KIF27: variants seen among roughly 807,000 people sequenced by gnomAD.
The protein encoded by KIF27 is kinesin family member 27, also known as kinesin-like protein KIF27.
KIF27 carries 84 observed loss-of-function variants against 141.8 expected under a neutral mutation model. That is an observed-to-expected ratio of 0.59 (90% CI 0.50 to 0.71). KIF27 has a LOEUF of 0.71. KIF27 is among the 30% of genes least tolerant of loss of function. The pLI, the probability that KIF27 is intolerant of heterozygous loss-of-function variation, is 0.00. For synonymous variants in KIF27, 471 were observed against 569.5 expected (o/e 0.83, Z 2.46); for missense variants, 1,306 against 1,628.4 (o/e 0.80, Z 3.41).
chr9:83,839,305 C>T (rs1179194037), intron 17 of KIF27, among the ~76,000 whole-genome samples: 2 of 152,202 alleles, frequency 1.3e-5, no homozygotes, highest in Non-Finnish European at 2.9e-5. Context: ...GAAAGTTTCC[C>T]TCTTCCAGAA....
At position 83,834,723 on chromosome 9, in the gene KIF27, T is replaced by G. The variant is rs1945612624; in HGVS notation, c.*2278A>C. ...TATTAGGATCTTCATTAATAAATATTTATTTATAAATATTGCTGTGCTTGC... is the reference window on the plus strand; with the variant it reads ...TATTAGGATCTTCATTAATAAATATGTATTTATAAATATTGCTGTGCTTGC... On this transcript the variant is annotated 3_prime_UTR_variant, in exon 18 of 18. Transcript: ENST00000297814. 6.6e-6 allele frequency among the ~76,000 whole-genome samples: 1 copy of G among 151,246 alleles called. No individual in the cohort carries two copies. The highest frequency in any genetic ancestry group is 1.9e-4 in the East Asian group (1 of 5,186).
chr9:83,839,165 T>TA (rs202002804), intron 17 of KIF27, among the ~76,000 whole-genome samples: 80 of 148,848 alleles, frequency 5.4e-4, no homozygotes, highest in East Asian at 2.2e-3. Context: ...ACCCCAACTC[T>TA]AAAAAAAAAA....
chr9:83,887,738 C>T (rs1039419506), intron 8 of KIF27, among the ~76,000 whole-genome samples: 16 of 151,804 alleles, frequency 1.1e-4, no homozygotes, highest in African/African-American at 3.6e-4. Flanking sequence ...TACATTCCGA[C>T]GTAAGTTTTT....
At chr9:83,889,539 G>A (rs1952464567) in intron 6 of KIF27, among the ~76,000 whole-genome samples, 1 of 151,746 alleles carries the variant, frequency 6.6e-6, no homozygotes, top group Non-Finnish European at 1.5e-5. Flanking sequence ...CCAAAAGAAC[G>A]CATGGAAAAC....
intron 10 of KIF27, among the ~76,000 whole-genome samples, chr9:83,882,921 T>C (rs1328494870): frequency 3.9e-5 from 6 of 152,128 alleles, no homozygotes; most frequent in Non-Finnish European, 8.8e-5. Flanking sequence ...TTAGTGGAAA[T>C]ATCCAGATGT....
At chr9:83,854,712 T>C (rs534766064) in intron 14 of KIF27, among the ~76,000 whole-genome samples, 1 of 152,306 alleles carries the variant, frequency 6.6e-6, no homozygotes, top group East Asian at 1.9e-4. Flanking sequence ...TTCCAGTTCT[T>C]TGAACTATCC....
In KIF27 at chr9:83,837,437, A is replaced by G; in HGVS notation, c.3770T>C (p.Leu1257Pro). Residue 1257 changes from leucine (L) to proline (P), a missense_variant, in exon 18 of 18, where the codon CTT becomes CCT. By Grantham distance (98) the Leu-to-Pro change is moderately conservative (BLOSUM62 -3). Coordinates refer to ENST00000297814, the MANE Select transcript of KIF27 (RefSeq NM_017576.4). ...GGATGCCCATTTTAATTCTTCTGAA[A>G]GCATGCCTCCTCCTTCTGGCTTCAG... ...GVLKPEGGGM[L>P]SEELKWASRP... 5 of 1,613,632 alleles carry G rather than the reference A, an allele frequency of 3.1e-6. No individual in the cohort carries two copies. Among genetic ancestry groups the G allele is most frequent in the Non-Finnish European group, 4.2e-6 (5 of 1,179,840 alleles).
intron 4 of KIF27, among the ~76,000 whole-genome samples, chr9:83,900,728 T>C (rs1200027656): frequency 2.0e-5 from 3 of 151,996 alleles, no homozygotes; most frequent in Non-Finnish European, 4.4e-5. Flanking sequence ...GTGATATATA[T>C]ACACGTATAT....
chr9:83,834,742 T>C lies in KIF27; in HGVS notation c.*2259A>G, dbSNP rs1945613966. ...AAATATTTATTTATAAATATTGCTG[T>C]GCTTGCTAAGGGCACTGACCTTTGG... On this transcript the variant is annotated 3_prime_UTR_variant, in exon 18 of 18. Coordinates refer to ENST00000297814, the MANE Select transcript of KIF27 (RefSeq NM_017576.4). Among the ~76,000 whole-genome samples the C allele has an allele frequency of 6.6e-6, 1 of 151,104 alleles. No homozygotes were observed. The highest frequency in any genetic ancestry group is 2.1e-4 in the South Asian group (1 of 4,822).
intron 12 of KIF27, among the ~76,000 whole-genome samples, chr9:83,869,132 G>A (rs1462769308): frequency 3.3e-5 from 5 of 152,096 alleles, no homozygotes; most frequent in South Asian, 2.1e-4. Context: ...GACATTTCTG[G>A]GTGGAATGGG....
chr9:83,848,208 G>C (rs1262786325), intron 16 of KIF27, among the ~76,000 whole-genome samples: 1 of 43,462 alleles, frequency 2.3e-5, no homozygotes, highest in Non-Finnish European at 4.2e-5. Context: ...TATCAGATAT[G>C]ATATATATGA....
chr9:83,904,665 C>A (rs971108769), intron 3 of KIF27, among the ~76,000 whole-genome samples: 2 of 152,160 alleles, frequency 1.3e-5, no homozygotes, highest in Non-Finnish European at 2.9e-5. Context: ...GCCACTGCAC[C>A]TGGCCTAGAT....
rs762391417 is a variant in KIF27 at position 83,842,275 on chromosome 9, A to G, written c.3683T>C (p.Val1228Ala). The G allele has an allele frequency of 8.3e-6, 13 of 1,566,492 alleles. No individual in the cohort carries two copies. In the East Asian group the frequency reaches 2.5e-4, roughly 30 times the overall value. ...RDHKKKLKEL[V>A]GEAIRRQLAP... ...TAGTTGCCGCCGAATTGCTTCCCCT[A>G]CCAGTTCCTTAAGTTTCTTCTTATG... Residue 1228 changes from valine to alanine, a missense_variant, in exon 17 of 18, where the codon GTA becomes GCA. By Grantham distance (64) the Val-to-Ala change is moderately conservative. Coordinates refer to ENST00000297814, the MANE Select transcript of KIF27 (RefSeq NM_017576.4).
chr9:83,864,150 G>A (rs189343070), intron 13 of KIF27, among the ~76,000 whole-genome samples: 20 of 152,200 alleles, frequency 1.3e-4, no homozygotes, highest in Non-Finnish European at 2.5e-4. Context: ...ATTTTTTGAA[G>A]GGTTTTCTGT....
intron 5 of KIF27, among the ~76,000 whole-genome samples, chr9:83,894,900 ACAACAT>A (rs1191746173): frequency 6.6e-6 from 1 of 152,206 alleles, no homozygotes; most frequent in Non-Finnish European, 1.5e-5. Flanking sequence ...ACAGTACATC[ACAACAT>A]CAACAACAAA....
At chr9:83,880,209 A>G (rs1158866135) in intron 11 of KIF27, 88 bp downstream of exon 11, 3 of 1,580,130 alleles carry the variant, frequency 1.9e-6, no homozygotes, top group Admixed American at 1.7e-5. Context: ...ATACTTCACA[A>G]GCCAACTGAA....
chr9:83,875,094 G>GCCTATGA (rs1322052355), intron 11 of KIF27, among the ~76,000 whole-genome samples: 1 of 152,046 alleles, frequency 6.6e-6, no homozygotes, highest in African/African-American at 2.4e-5. Context: ...TTAAGCCATG[G>GCCTATGA]CCTATGAGAG....
At chr9:83,898,388 T>A (rs571163067) in intron 5 of KIF27, among the ~76,000 whole-genome samples, 1 of 152,246 alleles carries the variant, frequency 6.6e-6, no homozygotes, top group Admixed American at 6.5e-5. Flanking sequence ...TTAATAAAAA[T>A]TCCAAAAACT....
At chr9:83,877,613 C>G (rs1009227205) in intron 11 of KIF27, among the ~76,000 whole-genome samples, 3 of 152,086 alleles carry the variant, frequency 2.0e-5, no homozygotes, top group Non-Finnish European at 4.4e-5. Flanking sequence ...GATTCTTAGA[C>G]ATGACACCAA....
Sources: gnomAD v4.1 joint callset for allele counts (sites outside exome capture counted in the v4.1 genomes callset) on GRCh38, gnomAD v4.1.1 for gene constraint, MANE v1.5 for transcripts, NCBI Gene and HGNC (gene_info 2026-07-23, HGNC 2026-07-21) for gene names.